The following HDAC2 variants were observed in gnomAD, a reference collection of about 807,000 sequenced individuals.
HDAC2 encodes YY1-associated factor 1.
In HDAC2, 5 loss-of-function variants were observed where a neutral mutation model predicts 68.5. The observed-to-expected ratio is 0.07, with a 90% CI of 0.04 to 0.15. The LOEUF is 0.15. Among genes scored for constraint, HDAC2 ranks in the 10% least tolerant of loss-of-function variants. The probability of loss-of-function intolerance (pLI) is 1.00; values close to 1 mark genes in which losing one functional copy is unlikely to be tolerated. For missense variants in HDAC2, 291 were observed against 600.8 expected (o/e 0.48, Z 5.39); for synonymous variants, 182 against 191.3 (o/e 0.95, Z 0.40).
At chr6:113,970,605 G>A (rs965738389) in intron 1 of HDAC2, 110 of 1,306,232 alleles carry the variant, frequency 8.4e-5, no homozygotes, top group Non-Finnish European at 1.0e-4. Flanking sequence ...GCTGCGGACT[G>A]CACGGCCGAA....
chr6:113,951,788 T>A (rs1776425911), intron 6 of HDAC2, among the ~76,000 whole-genome samples: 2 of 152,086 alleles, frequency 1.3e-5, no homozygotes. Flanking sequence ...AAATCTTAAG[T>A]GAGAAAAAGA....
chr6:113,949,540 T>C (rs1776351767), intron 6 of HDAC2, among the ~76,000 whole-genome samples: 1 of 125,964 alleles, frequency 7.9e-6, no homozygotes, highest in Admixed American at 8.0e-5. Flanking sequence ...TAACACAAGT[T>C]AAAGGCAATG....
In HDAC2 at chr6:113,970,968, TGCC is replaced by T. The variant is rs779436136; in HGVS notation, c.-63_-61del. On this transcript the variant is annotated 5_prime_UTR_variant, in exon 1 of 14. Coordinates refer to ENST00000519065, the MANE Select transcript of HDAC2 (RefSeq NM_001527.4). ...CTCCTGCTGCTGCTGCTGCTGCTGC[TGCC>T]GCCGCGGCTCGGCCGGGAGAGAAAA... is the stretch of plus-strand genomic sequence containing the variant. 2 of 1,563,324 alleles carry T rather than the reference TGCC, an allele frequency of 1.3e-6. No homozygotes were observed. Among genetic ancestry groups the T allele is most frequent in the Non-Finnish European group, 1.7e-6 (2 of 1,153,688 alleles).
chr6:113,968,925 C>G (rs1467657145), intron 1 of HDAC2, among the ~76,000 whole-genome samples: 1 of 152,180 alleles, frequency 6.6e-6, no homozygotes, highest in African/African-American at 2.4e-5. Context: ...CTTACTTCCT[C>G]AGAGCCCATC....
chr6:113,956,746 C>A, intron 3 of HDAC2, 53 bp from the exon 4 acceptor site: 4 of 1,295,864 alleles, frequency 3.1e-6, no homozygotes, highest in Admixed American at 3.5e-5. Context: ...TTAATGAAAG[C>A]CTTTTCTTAC....
intron 2 of HDAC2, among the ~76,000 whole-genome samples, chr6:113,959,403 CATCTTTATCT>C (rs1408574673): frequency 6.6e-6 from 1 of 151,928 alleles, no homozygotes; most frequent in African/African-American, 2.4e-5. Context: ...TACATACCCT[CATCTTTATCT>C]ACAAAAACAT....
chr6:113,946,410 T>G (rs1776265514), intron 8 of HDAC2: 1 of 259,704 alleles, frequency 3.9e-6, no homozygotes, highest in Admixed American at 5.1e-5. Flanking sequence ...CACAACTATA[T>G]TAAGATTATA....
chr6:113,951,928 T>A (rs995897133), intron 6 of HDAC2, among the ~76,000 whole-genome samples: 1 of 152,202 alleles, frequency 6.6e-6, no homozygotes, highest in African/African-American at 2.4e-5. Context: ...AGAAATTAAA[T>A]GAAGCTTCCA....
At chr6:113,959,608 A>G in intron 2 of HDAC2, 1 of 161,530 alleles carries the variant, frequency 6.2e-6, no homozygotes, top group Non-Finnish European at 1.3e-5. Flanking sequence ...AAAAAAAAAA[A>G]AAAAAAAAAA....
chr6:113,943,684 G>C (rs1186655023), intron 11 of HDAC2, among the ~76,000 whole-genome samples, 178 bp from the exon 12 acceptor site: 1 of 152,100 alleles, frequency 6.6e-6, no homozygotes, highest in African/African-American at 2.4e-5. Flanking sequence ...TGAAAACTTT[G>C]CTTTCATGTA....
intron 1 of HDAC2, among the ~76,000 whole-genome samples, chr6:113,969,001 C>T (rs1776905816): frequency 6.6e-6 from 1 of 152,298 alleles, no homozygotes; most frequent in African/African-American, 2.4e-5. Flanking sequence ...CAAAATTTTC[C>T]TCTTTACTCC....
At chr6:113,951,803 T>C (rs1297678511) in intron 6 of HDAC2, among the ~76,000 whole-genome samples, 1 of 152,310 alleles carries the variant, frequency 6.6e-6, no homozygotes, top group East Asian at 1.9e-4. Flanking sequence ...AAAAGAGATG[T>C]TGAAAGCCAT....
chr6:113,952,436 A>G (rs58052068), intron 6 of HDAC2, among the ~76,000 whole-genome samples: 13,960 of 152,284 alleles, frequency 0.092, 802 homozygotes, highest in Non-Finnish European at 0.12. Flanking sequence ...AAAGCCATAC[A>G]GCTTAAGAAT....
chr6:113,970,840 C>G lies in HDAC2; in HGVS notation c.52+17G>C. 6.5e-7 allele frequency: 1 copy of G among 1,535,978 alleles called. No individual in the cohort carries two copies. ...CCGGCCCCGCGCGCCCACCCCGACACCGGCCCGGCCGCTCACCGTCGTAGT... is the reference window on the plus strand; with the variant it reads ...CCGGCCCCGCGCGCCCACCCCGACAGCGGCCCGGCCGCTCACCGTCGTAGT... On this transcript the variant is annotated intron_variant, in intron 1 of 13. Coordinates refer to ENST00000519065, the MANE Select transcript of HDAC2 (RefSeq NM_001527.4).
chr6:113,961,975 A>G (rs954936176), intron 1 of HDAC2, among the ~76,000 whole-genome samples: 2 of 152,094 alleles, frequency 1.3e-5, no homozygotes, highest in Non-Finnish European at 2.9e-5. Context: ...AACATCTACC[A>G]CATCATAACA....
At chr6:113,945,507 G>A in intron 9 of HDAC2, 37 bp from the exon 10 acceptor site, 1 of 993,076 alleles carries the variant, frequency 1.0e-6, no homozygotes, top group Non-Finnish European at 1.6e-6. Flanking sequence ...CATATTACAA[G>A]CTCAGTTTTC....
rs1216361681 is a variant in HDAC2, at chr6:113,940,477, T to C, written c.*581A>G. On this transcript the variant is annotated 3_prime_UTR_variant, in exon 14 of 14. Coordinates refer to ENST00000519065, the MANE Select transcript of HDAC2 (RefSeq NM_001527.4). Reference sequence around the variant, plus strand: ...GTCTGTATTATTTCATAAATTGTAATGGGATGTTAATCTTCACTGATACTA... The same window carrying C: ...GTCTGTATTATTTCATAAATTGTAACGGGATGTTAATCTTCACTGATACTA... 2 of 152,240 alleles carry C rather than the reference T, an allele frequency of 1.3e-5. No homozygotes were observed. Among genetic ancestry groups the C allele is most frequent in the South Asian group, 2.1e-4 (1 of 4,834 alleles). 9.4% of individuals were successfully genotyped at this position (152,240 alleles called of 1,614,324 possible). A position where few individuals can be genotyped will look rare whatever the true frequency, so the allele number is the denominator to read the frequency against.
intron 6 of HDAC2, among the ~76,000 whole-genome samples, chr6:113,952,530 TA>T (rs1776444409): frequency 6.6e-6 from 1 of 152,222 alleles, no homozygotes; most frequent in African/African-American, 2.4e-5. Context: ...TAAAATAGTT[TA>T]AAACTTTGTT....
intron 5 of HDAC2, among the ~76,000 whole-genome samples, chr6:113,954,563 G>A (rs1037829987): frequency 6.6e-6 from 1 of 152,162 alleles, no homozygotes; most frequent in East Asian, 1.9e-4. Flanking sequence ...AGCTGAGTGG[G>A]CAAGAACTTG....
Sources: allele counts gnomAD v4.1 joint callset (sites outside exome capture counted in the v4.1 genomes callset), GRCh38; gene constraint gnomAD v4.1.1; transcripts MANE v1.5; gene names NCBI Gene and HGNC (gene_info 2026-07-23, HGNC 2026-07-21).